Variants in STXBP5L observed in about 807,000 individuals in gnomAD.
STXBP5L encodes syntaxin binding protein 5L, also known as syntaxin-binding protein 5-like.
A neutral mutation model predicts 144.5 loss-of-function variants in STXBP5L; 65 were observed. The observed-to-expected ratio is 0.45, with a 90% confidence interval of 0.37 to 0.55. The LOEUF (loss-of-function observed/expected upper bound fraction) is 0.55, where lower values mean the gene tolerates loss of function less well. Among genes scored for constraint, STXBP5L ranks in the 20% least tolerant of loss-of-function variants. The pLI, the probability that STXBP5L is intolerant of heterozygous loss-of-function variation, is 0.00. For synonymous variants in STXBP5L, 505 were observed against 469.6 expected (o/e 1.08, Z -0.97); for missense variants, 1,298 against 1,405.5 (o/e 0.92, Z 1.22).
intron 7 of STXBP5L, among the ~76,000 whole-genome samples, chr3:121,132,477 AAGAGT>A (rs528579975): frequency 5.4e-4 from 82 of 152,302 alleles, no homozygotes; most frequent in Non-Finnish European, 9.7e-4. Flanking sequence ...TGGGAAAGGA[AAGAGT>A]AGATAGAAGT....
At chr3:121,133,507 C>T (rs1436941227) in intron 7 of STXBP5L, among the ~76,000 whole-genome samples, 1 of 152,106 alleles carries the variant, frequency 6.6e-6, no homozygotes, top group African/African-American at 2.4e-5. Flanking sequence ...AAAATACTGT[C>T]CATCAAGAAT....
At chr3:121,360,347 A>T (rs2045674090) in intron 20 of STXBP5L, among the ~76,000 whole-genome samples, 1 of 151,756 alleles carries the variant, frequency 6.6e-6, no homozygotes, top group Admixed American at 6.6e-5. Flanking sequence ...TTTTTAATCC[A>T]TTCAGTCATT....
At chr3:120,946,335 T>A (rs976999497) in intron 2 of STXBP5L, among the ~76,000 whole-genome samples, 1 of 151,754 alleles carries the variant, frequency 6.6e-6, no homozygotes. Context: ...AACATATGGC[T>A]TCCATTTCAT....
chr3:120,971,003 A>G (rs1051948953), intron 3 of STXBP5L, among the ~76,000 whole-genome samples: 1 of 152,112 alleles, frequency 6.6e-6, no homozygotes, highest in Non-Finnish European at 1.5e-5. Context: ...AATGTTAGAC[A>G]TTGCCCCAGA....
At chr3:121,010,237 A>G (rs1361627057) in intron 3 of STXBP5L, among the ~76,000 whole-genome samples, 1 of 151,756 alleles carries the variant, frequency 6.6e-6, no homozygotes, top group Non-Finnish European at 1.5e-5. Context: ...AAATGACTAT[A>G]TATATCTTTG....
intron 7 of STXBP5L, among the ~76,000 whole-genome samples, chr3:121,142,598 GA>G (rs2045553885): frequency 6.6e-6 from 1 of 151,764 alleles, no homozygotes; most frequent in African/African-American, 2.4e-5. Context: ...AATAGTGGAA[GA>G]AAACTCCAAA....
intron 3 of STXBP5L, among the ~76,000 whole-genome samples, chr3:120,993,204 A>G (rs1329855788): frequency 6.6e-6 from 1 of 151,954 alleles, no homozygotes; most frequent in Non-Finnish European, 1.5e-5. Flanking sequence ...TATACTCTGG[A>G]TATTAGTCCT....
At chr3:121,052,656 A>G (rs1396856868) in intron 5 of STXBP5L, among the ~76,000 whole-genome samples, 1 of 152,106 alleles carries the variant, frequency 6.6e-6, no homozygotes, top group African/African-American at 2.4e-5. Flanking sequence ...ATGGGCAAAA[A>G]CTGGAAGCAT....
intron 24 of STXBP5L, among the ~76,000 whole-genome samples, chr3:121,414,723 C>G (rs543274888): frequency 1.3e-5 from 2 of 152,192 alleles, no homozygotes; most frequent in African/African-American, 4.8e-5. Flanking sequence ...GAGAATTAGT[C>G]GAGTAGATCT....
intron 14 of STXBP5L, among the ~76,000 whole-genome samples, chr3:121,243,526 G>C (rs1275234770): frequency 6.6e-6 from 1 of 150,666 alleles, no homozygotes; most frequent in African/African-American, 2.4e-5. Context: ...AGGGAAACAT[G>C]GCCCAATCAA....
intron 5 of STXBP5L, among the ~76,000 whole-genome samples, chr3:121,102,314 T>C (rs2043470763): frequency 6.6e-6 from 1 of 152,082 alleles, no homozygotes; most frequent in Admixed American, 6.6e-5. Flanking sequence ...CAAACTATAC[T>C]ACTGTAAGTG....
chr3:120,956,554 A>G (rs1305628152), intron 3 of STXBP5L, among the ~76,000 whole-genome samples: 2 of 151,824 alleles, frequency 1.3e-5, no homozygotes, highest in Admixed American at 1.3e-4. Context: ...TGTATATATC[A>G]CATTTTGATA....
chr3:121,063,547 A>T (rs2041390929), intron 5 of STXBP5L, among the ~76,000 whole-genome samples: 1 of 152,102 alleles, frequency 6.6e-6, no homozygotes, highest in African/African-American at 2.4e-5. Context: ...CTCTATTCAG[A>T]ACTAGCAGCC....
chr3:121,000,710 G>A (rs796647383), intron 3 of STXBP5L, among the ~76,000 whole-genome samples: 4 of 152,278 alleles, frequency 2.6e-5, no homozygotes, highest in African/African-American at 9.6e-5. Context: ...AGTTGCCAGA[G>A]GTCTTGCACT....
At chr3:120,908,557 G>GTGTGTGTTCTGGCTGGGA (rs1708652875) in intron 1 of STXBP5L, among the ~76,000 whole-genome samples, 1 of 151,774 alleles carries the variant, frequency 6.6e-6, no homozygotes, top group South Asian at 2.1e-4. Flanking sequence ...CGAATGCCTC[G>GTGTGTGTTCTGGCTGGGA]GCGTGAGGTG....
chr3:121,388,568 T>G (rs1408230603), intron 22 of STXBP5L, among the ~76,000 whole-genome samples: 1 of 152,210 alleles, frequency 6.6e-6, no homozygotes, highest in Non-Finnish European at 1.5e-5. Flanking sequence ...ATATGTTCCA[T>G]CAATACCTAG....
intron 2 of STXBP5L, among the ~76,000 whole-genome samples, chr3:120,912,614 A>G (rs1324429910): frequency 1.3e-5 from 2 of 149,742 alleles, no homozygotes; most frequent in Admixed American, 6.8e-5. Context: ...ACTTTGGTTC[A>G]AGGTCAGCCA....
intron 9 of STXBP5L, among the ~76,000 whole-genome samples, chr3:121,189,482 C>G (rs555893278): frequency 3.0e-4 from 46 of 152,246 alleles, no homozygotes; most frequent in African/African-American, 8.4e-4. Flanking sequence ...ACAGGGAATC[C>G]TTTCCTCATT....
At chr3:121,035,872 A>G (rs1269476972) in intron 3 of STXBP5L, among the ~76,000 whole-genome samples, 1 of 152,070 alleles carries the variant, frequency 6.6e-6, no homozygotes, top group African/African-American at 2.4e-5. Flanking sequence ...GAACATCTTC[A>G]TTTATTTTGG....
Sources: allele counts gnomAD v4.1 joint callset (sites outside exome capture counted in the v4.1 genomes callset), GRCh38; gene constraint gnomAD v4.1.1; transcripts MANE v1.5; gene names NCBI Gene and HGNC (gene_info 2026-07-23, HGNC 2026-07-21).